SRGAP3: variants seen among roughly 807,000 people sequenced by gnomAD.
SRGAP3 encodes SLIT-ROBO Rho GTPase activating protein 3.
Under a neutral mutation model 121.1 loss-of-function variants are expected in SRGAP3, and 39 were observed. The observed-to-expected ratio is 0.32, with a 90% CI of 0.25 to 0.42. SRGAP3 has a LOEUF of 0.42. Among genes scored for constraint, SRGAP3 ranks in the 10% least tolerant of loss-of-function variants. The pLI, the probability that SRGAP3 is intolerant of heterozygous loss-of-function variation, is 1.00. For missense variants in SRGAP3, 1,213 were observed against 1,470.6 expected (o/e 0.82, Z 2.86); for synonymous variants, 601 against 570.0 (o/e 1.05, Z -0.77).
At chr3:9,309,884 C>A (rs77740457) in intron 3 of SRGAP3, among the ~76,000 whole-genome samples, 43 of 152,232 alleles carry the variant, frequency 2.8e-4, no homozygotes, top group African/African-American at 1.0e-3. Flanking sequence ...CCACAAGGAA[C>A]TGCTAGTCCA....
chr3:9,322,632 G>T (rs567096663), intron 3 of SRGAP3, among the ~76,000 whole-genome samples: 2 of 151,802 alleles, frequency 1.3e-5, no homozygotes, highest in African/African-American at 4.8e-5. Context: ...TAGGTTGCAT[G>T]CTCCTTATGA....
At chr3:9,064,944 G>A (rs1434504916) in intron 4 of SRGAP3, among the ~76,000 whole-genome samples, 2 of 152,104 alleles carry the variant, frequency 1.3e-5, no homozygotes, top group Admixed American at 6.5e-5. Context: ...ACTGTCAGAC[G>A]TGACAAGGCA....
intron 3 of SRGAP3, among the ~76,000 whole-genome samples, chr3:9,319,941 T>C (rs1955413093): frequency 1.3e-5 from 2 of 151,934 alleles, no homozygotes; most frequent in Admixed American, 1.3e-4. Context: ...GGAACATCTT[T>C]TGTTTTTGTC....
intron 3 of SRGAP3, among the ~76,000 whole-genome samples, chr3:9,277,468 C>A (rs1204332936): frequency 5.3e-5 from 8 of 151,464 alleles, no homozygotes; most frequent in African/African-American, 1.9e-4. Context: ...ATTAGCTGGG[C>A]ATAGTGGTAT....
At chr3:9,200,084 G>A (rs1229533685) in intron 1 of SRGAP3, among the ~76,000 whole-genome samples, 1 of 152,226 alleles carries the variant, frequency 6.6e-6, no homozygotes, top group Non-Finnish European at 1.5e-5. Context: ...TATGGTGGCT[G>A]TATGCAAGGC....
In SRGAP3 at chr3:9,218,617, T is replaced by G. The variant is rs550520907; in HGVS notation, c.67+30268A>C. 7 of 152,260 alleles carry G rather than the reference T, an allele frequency of 4.6e-5. No individual in the cohort carries two copies. Among genetic ancestry groups the G allele is most frequent in the African/African-American group, 1.7e-4 (7 of 41,572 alleles). The allele number at this position is 152,260 out of a possible 1,614,324, so 9.4% of individuals were successfully genotyped here. A position where few individuals can be genotyped will look rare whatever the true frequency, so the allele number is the denominator to read the frequency against. Reference sequence around the variant, plus strand: ...AAAGCTGTCTTTATTTTATTTCATTTTATTGAATTTTTTATCTTTTAATTT... The same window carrying G: ...AAAGCTGTCTTTATTTTATTTCATTGTATTGAATTTTTTATCTTTTAATTT... On this transcript the variant is annotated intron_variant, in intron 1 of 21. Coordinates refer to ENST00000383836, the MANE Select transcript of SRGAP3 (RefSeq NM_014850.4). This position sits in a 1 kb window ranked among gnomAD's most constrained non-coding sequence, Gnocchi z 5.3.
In SRGAP3 at chr3:9,249,310, C is replaced by G; in HGVS notation, c.-359G>C. On this transcript the variant is annotated 5_prime_UTR_variant, in exon 1 of 22. Coordinates refer to ENST00000383836, the MANE Select transcript of SRGAP3 (RefSeq NM_014850.4). ...ACACACATGCACACGTACACACACT[C>G]ACGCATGCACAGGCACACTCACCGG... 1 of 437,092 alleles carries G rather than the reference C, an allele frequency of 2.3e-6. No individual in the cohort carries two copies. The highest frequency in any genetic ancestry group is 4.3e-6 in the Non-Finnish European group (1 of 234,512). The allele number at this position is 437,092 out of a possible 1,614,324, so 27.1% of individuals were successfully genotyped here.
chr3:9,036,188 T>C (rs185231110), intron 11 of SRGAP3: 1 of 152,318 alleles, frequency 6.6e-6, no homozygotes, highest in East Asian at 1.9e-4. Context: ...CACCAGTTCC[T>C]CTATACAAGG....
intron 3 of SRGAP3, among the ~76,000 whole-genome samples, chr3:9,296,979 G>C (rs1158484363): frequency 6.6e-6 from 1 of 152,112 alleles, no homozygotes; most frequent in East Asian, 1.9e-4. Flanking sequence ...CAACCTCCCA[G>C]ACTCAAGTGA....
chr3:9,003,686 T>A (rs372909789), intron 18 of SRGAP3, among the ~76,000 whole-genome samples: 1 of 152,304 alleles, frequency 6.6e-6, no homozygotes. Context: ...GAAAAAGCAC[T>A]GACAAAATCT....
chr3:9,015,792 G>C, intron 14 of SRGAP3, 61 bp from the exon 15 acceptor site: 1 of 1,604,690 alleles, frequency 6.2e-7, no homozygotes, highest in Non-Finnish European at 8.5e-7. Flanking sequence ...AGAACGTGCA[G>C]ATGGCCGAAG....
At chr3:8,987,726 C>A (rs939557781) in intron 21 of SRGAP3, among the ~76,000 whole-genome samples, 2 of 128,684 alleles carry the variant, frequency 1.6e-5, no homozygotes, top group African/African-American at 8.9e-5. Flanking sequence ...CCCCAGAACA[C>A]CGGCAACTTT....
At chr3:9,075,386 TGTGTGC>T (rs752429704) in intron 4 of SRGAP3, among the ~76,000 whole-genome samples, 56 of 143,054 alleles carry the variant, frequency 3.9e-4, no homozygotes, top group Non-Finnish European at 7.1e-4. Context: ...TGTGTGTGTG[TGTGTGC>T]GCGCGCACAT....
chr3:9,150,419 T>C (rs1407677537), intron 1 of SRGAP3, among the ~76,000 whole-genome samples: 1 of 151,520 alleles, frequency 6.6e-6, no homozygotes, highest in African/African-American at 2.4e-5. Context: ...TTTTTCCATG[T>C]TTATTTTCAA....
rs374094328 is a variant in SRGAP3, at chr3:9,224,479, A to G, written c.67+24406T>C. On this transcript the variant is annotated intron_variant, in intron 1 of 21. Coordinates refer to ENST00000383836, the MANE Select transcript of SRGAP3 (RefSeq NM_014850.4). ...CTTCTCCCCCCATGCAGACTCCAGC[A>G]TCTTCCAAATGTCGAGTAATCGTGG... Among the ~76,000 whole-genome samples, 5 of 152,304 alleles carry G rather than the reference A, an allele frequency of 3.3e-5. No individual in the cohort carries two copies. In the East Asian group the frequency reaches 9.7e-4, roughly 29 times the overall value.
chr3:9,165,343 G>A (rs1359024808), intron 1 of SRGAP3, among the ~76,000 whole-genome samples: 2 of 152,188 alleles, frequency 1.3e-5, no homozygotes, highest in Non-Finnish European at 2.9e-5. Flanking sequence ...TCCTGCTCTG[G>A]AGAGAAACCT....
Position 8,991,097 on chromosome 3 carries a change from C to T in SRGAP3, c.2559-258G>A, listed in dbSNP as rs562309234. The stretch of plus-strand genomic sequence containing the variant: ...TTCCAGGCCACAGACAGCTGTGCCG[C>T]CAACCGCAAAATGCATCTGGTCTAC... On this transcript the variant is annotated intron_variant, in intron 20 of 21. Transcript: ENST00000383836. Among the ~76,000 whole-genome samples the T allele has an allele frequency of 3.3e-4, 50 of 152,304 alleles. No individual in the cohort carries two copies. The East Asian group carries it at 6.9e-3, about 21-fold the overall frequency.
chr3:9,353,147 C>T (rs2030288006), intron 1 of SRGAP3, among the ~76,000 whole-genome samples: 1 of 152,222 alleles, frequency 6.6e-6, no homozygotes, highest in African/African-American at 2.4e-5. Context: ...CCTGCAGCTG[C>T]CCCTTTGTGC....
At chr3:9,106,750 G>A (rs184898040) in intron 2 of SRGAP3, among the ~76,000 whole-genome samples, 1 of 152,224 alleles carries the variant, frequency 6.6e-6, no homozygotes, top group Admixed American at 6.5e-5. Flanking sequence ...CCCTAGCCAT[G>A]TGGGACAGTG....
Sources: allele counts gnomAD v4.1 joint callset (sites outside exome capture counted in the v4.1 genomes callset), GRCh38; gene constraint gnomAD v4.1.1; non-coding constraint Gnocchi (gnomAD v3.1); transcripts MANE v1.5; gene names NCBI Gene and HGNC (gene_info 2026-07-23, HGNC 2026-07-21).